RPS6KC1: variants seen among roughly 807,000 people sequenced by gnomAD.
RPS6KC1 encodes ribosomal protein S6 kinase C1, also known as inactive ribosomal protein S6 kinase delta-1.
Under a neutral mutation model 103.8 loss-of-function variants are expected in RPS6KC1, and 54 were observed. The ratio of observed to expected loss-of-function variants is 0.52; its 90% CI spans 0.42 to 0.65. RPS6KC1 has a LOEUF of 0.65. RPS6KC1 is among the 30% of genes least tolerant of loss of function. The pLI, the probability that RPS6KC1 is intolerant of heterozygous loss-of-function variation, is 0.00. For missense variants in RPS6KC1, 1,151 were observed against 1,253.8 expected, an observed-to-expected ratio of 0.92 and a Z score of 1.24; for synonymous variants, 439 against 438.7, an observed-to-expected ratio of 1.00 and a Z score of -0.01.
At chr1:213,786,128 G>A in the RPS6KC1 span, among the ~76,000 whole-genome samples, 4 of 152,082 alleles carry the variant, frequency 2.6e-5, no homozygotes, top group African/African-American at 9.7e-5. Context: ...AAGGAAAGAG[G>A]GAGAAAAGAA....
At chr1:213,348,135 AC>A in the RPS6KC1 span, among the ~76,000 whole-genome samples, 1 of 152,142 alleles carries the variant, frequency 6.6e-6, no homozygotes, top group African/African-American at 2.4e-5. Context: ...ATGAGAACCA[AC>A]CGGGGAGCTT....
At chr1:213,156,393 C>T (rs547076967) in intron 6 of RPS6KC1, among the ~76,000 whole-genome samples, 85 of 152,092 alleles carry the variant, frequency 5.6e-4, no homozygotes, top group African/African-American at 1.6e-3. Flanking sequence ...GGAACTGGGA[C>T]GTGTGAAAAT....
At chr1:213,474,420 C>T in the RPS6KC1 span, among the ~76,000 whole-genome samples, 2 of 152,058 alleles carry the variant, frequency 1.3e-5, no homozygotes, top group Non-Finnish European at 2.9e-5. Flanking sequence ...AAAATCCATT[C>T]CTGAAAATAG....
At chr1:213,473,531 G>T in the RPS6KC1 span, among the ~76,000 whole-genome samples, 3 of 152,154 alleles carry the variant, frequency 2.0e-5, no homozygotes, top group African/African-American at 7.2e-5. Flanking sequence ...ACTGCAGGTT[G>T]GCACTCACCT....
At chr1:213,414,495 G>A in the RPS6KC1 span, among the ~76,000 whole-genome samples, 1 of 152,168 alleles carries the variant, frequency 6.6e-6, no homozygotes, top group Non-Finnish European at 1.5e-5. Context: ...AGAGATTGGG[G>A]TGATGCCTCT....
chr1:213,541,418 G>C, the RPS6KC1 span, among the ~76,000 whole-genome samples: 2 of 151,894 alleles, frequency 1.3e-5, no homozygotes, highest in East Asian at 3.9e-4. Flanking sequence ...TTGGAAAAAT[G>C]GCACCAATAC....
At chr1:213,494,752 A>C in the RPS6KC1 span, among the ~76,000 whole-genome samples, 10 of 152,054 alleles carry the variant, frequency 6.6e-5, no homozygotes, top group African/African-American at 2.4e-4. Flanking sequence ...AATAAAACCC[A>C]AGTGTATAAA....
the RPS6KC1 span, among the ~76,000 whole-genome samples, chr1:213,430,652 C>T: frequency 1.3e-5 from 2 of 152,132 alleles, no homozygotes; most frequent in Non-Finnish European, 2.9e-5. Flanking sequence ...TTTTTCCCAT[C>T]TGCTCCTGGT....
chr1:213,054,757 C>G (rs2077203129), intron 1 of RPS6KC1, among the ~76,000 whole-genome samples: 1 of 152,150 alleles, frequency 6.6e-6, no homozygotes, highest in Non-Finnish European at 1.5e-5. Context: ...AGGCCAGTTG[C>G]AAGCATACTA....
At chr1:213,518,191 G>A in the RPS6KC1 span, among the ~76,000 whole-genome samples, 8 of 152,218 alleles carry the variant, frequency 5.3e-5, no homozygotes, top group East Asian at 1.5e-3. Flanking sequence ...CGTCATAATG[G>A]GTTTTATGAT....
chr1:213,845,427 G>T, the RPS6KC1 span, among the ~76,000 whole-genome samples: 2 of 152,134 alleles, frequency 1.3e-5, no homozygotes, highest in East Asian at 3.9e-4. Flanking sequence ...CTTTGATTTG[G>T]GTCCTGTATC....
chr1:213,171,569 C>A (rs977479112), intron 7 of RPS6KC1, among the ~76,000 whole-genome samples: 6 of 152,022 alleles, frequency 3.9e-5, no homozygotes, highest in African/African-American at 1.4e-4. Flanking sequence ...TGTTTTTATG[C>A]AGTTACAAGG....
chr1:213,705,250 C>T, the RPS6KC1 span, among the ~76,000 whole-genome samples: 25 of 152,198 alleles, frequency 1.6e-4, no homozygotes, highest in East Asian at 5.8e-4. Context: ...AGGTGCTGTC[C>T]GGGATCCAGG....
the RPS6KC1 span, among the ~76,000 whole-genome samples, chr1:213,732,354 C>CGTGTGTGTGTGTGTGT: frequency 4.0e-5 from 6 of 150,100 alleles, no homozygotes; most frequent in Non-Finnish European, 5.9e-5. Context: ...TATGAGTGTG[C>CGTGTGTGTGTGTGTGT]GTGTGCGTGT....
the RPS6KC1 span, among the ~76,000 whole-genome samples, chr1:213,855,947 T>C: frequency 1.3e-5 from 2 of 152,218 alleles, no homozygotes; most frequent in Non-Finnish European, 2.9e-5. Context: ...CAAACTCCCC[T>C]TCTTTTCCAT....
the RPS6KC1 span, among the ~76,000 whole-genome samples, chr1:213,759,327 C>T: frequency 6.6e-6 from 1 of 152,140 alleles, no homozygotes; most frequent in Non-Finnish European, 1.5e-5. Context: ...ATAAATACAA[C>T]TTTTATATGC....
At chr1:213,252,108 T>C (rs953968149) in intron 12 of RPS6KC1, among the ~76,000 whole-genome samples, 2 of 152,256 alleles carry the variant, frequency 1.3e-5, no homozygotes, top group Non-Finnish European at 2.9e-5. Flanking sequence ...CTCTTTGCTC[T>C]TTAGTCATCG....
At chr1:213,409,546 A>T in the RPS6KC1 span, among the ~76,000 whole-genome samples, 1 of 152,212 alleles carries the variant, frequency 6.6e-6, no homozygotes, top group Non-Finnish European at 1.5e-5. Flanking sequence ...TATTCAGCTT[A>T]GCTGATTTGT....
the RPS6KC1 span, among the ~76,000 whole-genome samples, chr1:213,290,339 G>A: frequency 5.4e-3 from 825 of 152,216 alleles, 7 homozygotes; most frequent in Middle Eastern, 0.02. Context: ...ATGCACATTG[G>A]TACTTAACTG....
Sources: gnomAD v4.1 joint callset for allele counts (sites outside exome capture counted in the v4.1 genomes callset) on GRCh38, gnomAD v4.1.1 for gene constraint, MANE v1.5 for transcripts, NCBI Gene and HGNC (gene_info 2026-07-23, HGNC 2026-07-21) for gene names.